Variants in MATN2 observed in about 807,000 individuals in gnomAD.
The protein encoded by MATN2 is matrilin 2, also known as matrilin-2.
In MATN2, 69 loss-of-function variants were observed where a neutral mutation model predicts 103.2. That is an observed-to-expected ratio of 0.67 (90% CI 0.55 to 0.82). The LOEUF (loss-of-function observed/expected upper bound fraction) is 0.82. Among genes scored for constraint, MATN2 ranks in the 40% least tolerant of loss-of-function variants. The pLI, the probability that MATN2 is intolerant of heterozygous loss-of-function variation, is 0.00. For missense variants in MATN2, 1,023 were observed against 1,211.5 expected (o/e 0.84, Z 2.31); for synonymous variants, 429 against 450.2 (o/e 0.95, Z 0.60).
At chr8:97,952,189 C>G (rs1451928957) in intron 4 of MATN2, 1 of 152,170 alleles carries the variant, frequency 6.6e-6, no homozygotes, top group Non-Finnish European at 1.5e-5. Context: ...CATCGTTTAC[C>G]CAGTTGAGTG....
Position 97,931,566 on chromosome 8 carries a change from A to AGAG in MATN2, c.712+44_712+45insGAG. 6.7e-7 allele frequency: 1 copy of AGAG among 1,492,362 alleles called. No individual in the cohort carries two copies. Among genetic ancestry groups the AGAG allele is most frequent in the Non-Finnish European group, 9.0e-7 (1 of 1,108,814 alleles). The allele number at this position is 1,492,362 out of a possible 1,614,324, so 92.4% of individuals were successfully genotyped here. On this transcript the variant is annotated intron_variant, in intron 3 of 18. Transcript: ENST00000254898. The surrounding 1 kb of genome is among the most constrained non-coding windows in gnomAD (Gnocchi z 4.1). ...TCACTCTTCTAGAGGAACCACTAGAATTCATTCATTCATCTTCAAGTGTTC... is the reference window on the plus strand; with the variant it reads ...TCACTCTTCTAGAGGAACCACTAGAAGAGTTCATTCATTCATCTTCAAGTGTTC...
rs1812072267 is a variant in MATN2, at chr8:97,982,894, G to A, written c.1081+3886G>A. 6.6e-6 allele frequency among the ~76,000 whole-genome samples: 1 copy of A among 152,070 alleles called. No homozygotes were observed. Among genetic ancestry groups the A allele is most frequent in the Non-Finnish European group, 1.5e-5 (1 of 68,022 alleles). On this transcript the variant is annotated intron_variant, in intron 6 of 18. Coordinates refer to ENST00000254898, the MANE Select transcript of MATN2 (RefSeq NM_002380.5). The surrounding 1 kb of genome is among the most constrained non-coding windows in gnomAD (Gnocchi z 4.3). The stretch of plus-strand genomic sequence containing the variant: ...TAAATACACTCACATTGTGAAAAAC[G>A]CATATCCTAGCCTGTCTCCTTCCTG...
chr8:98,011,172 G>A lies in MATN2; in HGVS notation c.1573+3571G>A, dbSNP rs182070549. On this transcript the variant is annotated intron_variant, in intron 10 of 18. Transcript: ENST00000254898. ...GCAAAAGAGTGCAGGCAAGTTCTCT[G>A]GTGTCTCTTCTTATAAGAACACTAA... Among the ~76,000 whole-genome samples the A allele has an allele frequency of 2.0e-3, 305 of 152,168 alleles. 1 individual carries two copies. Among genetic ancestry groups the A allele is most frequent in the Non-Finnish European group, 3.6e-3 (248 of 68,008 alleles).
At chr8:97,933,771 T>TCA (rs1810280842) in intron 3 of MATN2, among the ~76,000 whole-genome samples, 1 of 152,148 alleles carries the variant, frequency 6.6e-6, no homozygotes, top group Admixed American at 6.5e-5. Flanking sequence ...GAGACAGGGC[T>TCA]GCTGTCTCTC....
intron 2 of MATN2, among the ~76,000 whole-genome samples, chr8:97,898,924 T>A (rs1417751321): frequency 5.3e-5 from 8 of 152,108 alleles, no homozygotes; most frequent in Non-Finnish European, 7.3e-5. Context: ...ATTTTTTTTT[T>A]TCATATTTTT....
intron 10 of MATN2, among the ~76,000 whole-genome samples, chr8:98,015,741 T>C (rs750138704): frequency 2.6e-5 from 4 of 152,172 alleles, no homozygotes; most frequent in Admixed American, 6.5e-5. Flanking sequence ...TATTTGTCTG[T>C]TTTCCACGCA....
intron 1 of MATN2, among the ~76,000 whole-genome samples, chr8:97,880,372 A>G (rs1342896300): frequency 6.6e-6 from 1 of 152,164 alleles, no homozygotes; most frequent in Non-Finnish European, 1.5e-5. Context: ...AAAGAGCTGG[A>G]GTCCTTTAAA....
In MATN2 at chr8:97,931,503, G is replaced by A; in HGVS notation, c.693G>A (p.Val231=). 1 of 1,608,542 alleles carries A rather than the reference G, an allele frequency of 6.2e-7. No homozygotes were observed. Among genetic ancestry groups the A allele is most frequent in the Non-Finnish European group, 8.5e-7 (1 of 1,177,552 alleles). The change falls in exon 3 of 19, where the codon GTG becomes GTA. Residue 231 remains valine, a synonymous_variant. Coordinates refer to ENST00000254898, the MANE Select transcript of MATN2 (RefSeq NM_002380.5). This position sits in a 1 kb window ranked among gnomAD's most constrained non-coding sequence, Gnocchi z 4.1. ...GCCAGATTGAGACGCTGACCTCCGTGTTCCAGAAGAAGTTGTGCAGTAAGT... is the reference window on the plus strand; with the variant it reads ...GCCAGATTGAGACGCTGACCTCCGTATTCCAGAAGAAGTTGTGCAGTAAGT... ...NFSQIETLTS[V]FQKKLCTAHM...
chr8:98,016,489 T>C, intron 10 of MATN2, 51 bp from the exon 11 acceptor site: 2 of 1,541,372 alleles, frequency 1.3e-6, no homozygotes, highest in Non-Finnish European at 1.8e-6. Flanking sequence ...AAGCCACTAA[T>C]ATATGAGTCA....
intron 2 of MATN2, among the ~76,000 whole-genome samples, chr8:97,904,618 G>C (rs2513816): frequency 0.66 from 99,709 of 152,002 alleles, 33,760 homozygotes; most frequent in Non-Finnish European, 0.71. Flanking sequence ...TTCAACACAC[G>C]TATTGCTTGC....
chr8:97,941,953 C>A, intron 4 of MATN2, 54 bp downstream of exon 4: 1 of 1,595,494 alleles, frequency 6.3e-7, no homozygotes, highest in South Asian at 1.1e-5. Context: ...CTCATCCTCT[C>A]CCTTCTTTTA....
chr8:97,948,675 A>G (rs1810833059), intron 4 of MATN2, among the ~76,000 whole-genome samples: 1 of 152,238 alleles, frequency 6.6e-6, no homozygotes, highest in African/African-American at 2.4e-5. Flanking sequence ...CAAAAGGAAC[A>G]TAGATCTTGT....
Position 98,003,661 on chromosome 8 carries a change from G to A in MATN2, c.1205G>A (p.Arg402Lys), listed in dbSNP as rs760636713. 5.0e-6 allele frequency: 8 copies of A among 1,613,624 alleles called. No homozygotes were observed. The East Asian group carries it at 6.7e-5, about 13-fold the overall frequency. Reference protein sequence around the residue: ...TLNPDKKTCRRINYCALNKPG... With the variant: ...TLNPDKKTCRKINYCALNKPG... ...GAAGGTCTGCCCTTCTTCCCCTCAGGGATCAACTACTGTGCACTGAACAAA... is the reference window on the plus strand; with the variant it reads ...GAAGGTCTGCCCTTCTTCCCCTCAGAGATCAACTACTGTGCACTGAACAAA... Residue 402 changes from arginine (R) to lysine (K), a missense_variant and splice_region_variant, in exon 8 of 19, where the codon AGG becomes AAG. Coordinates refer to ENST00000254898, the MANE Select transcript of MATN2 (RefSeq NM_002380.5).
intron 4 of MATN2, among the ~76,000 whole-genome samples, chr8:97,957,349 T>G (rs1279829872): frequency 6.6e-6 from 1 of 152,240 alleles, no homozygotes; most frequent in South Asian, 2.1e-4. Context: ...AACATCTGTA[T>G]TTGTTTCAAA....
intron 2 of MATN2, among the ~76,000 whole-genome samples, chr8:97,894,627 C>T (rs1272865208): frequency 6.6e-6 from 1 of 152,016 alleles, no homozygotes; most frequent in Admixed American, 6.5e-5. Flanking sequence ...TGGCAGAATT[C>T]ACCTTACACA....
At chr8:97,970,529 T>C (rs1162363624) in intron 5 of MATN2, among the ~76,000 whole-genome samples, 1 of 152,188 alleles carries the variant, frequency 6.6e-6, no homozygotes, top group African/African-American at 2.4e-5. Flanking sequence ...CTAGGTCCTG[T>C]TGCTTGTTGC....
At chr8:97,952,916 A>ATTTTTTTTTTTTTTTTTTTTTTTTT in intron 4 of MATN2, among the ~76,000 whole-genome samples, 1 of 96,138 alleles carries the variant, frequency 1.0e-5, no homozygotes, top group Non-Finnish European at 2.0e-5. Flanking sequence ...GTTTGTAGGG[A>ATTTTTTTTTTTTTTTTTTTTTTTTT]TTTTTTTTTT....
intron 2 of MATN2, among the ~76,000 whole-genome samples, chr8:97,918,714 C>T (rs1271874554): frequency 6.6e-6 from 1 of 152,150 alleles, no homozygotes; most frequent in Non-Finnish European, 1.5e-5. Context: ...AGCTGCCAGT[C>T]AATGTGTTAT....
chr8:97,954,648 A>G (rs1275280531), intron 4 of MATN2, among the ~76,000 whole-genome samples: 1 of 152,174 alleles, frequency 6.6e-6, no homozygotes, highest in Non-Finnish European at 1.5e-5. Flanking sequence ...TAAGGGTAGG[A>G]ATTTTTCTGT....
Sources: allele counts gnomAD v4.1 joint callset (sites outside exome capture counted in the v4.1 genomes callset), GRCh38; gene constraint gnomAD v4.1.1; non-coding constraint Gnocchi (gnomAD v3.1); transcripts MANE v1.5; gene names NCBI Gene and HGNC (gene_info 2026-07-23, HGNC 2026-07-21).